The following TUSC3 variants were observed in gnomAD, a reference collection of about 807,000 sequenced individuals.
TUSC3 encodes tumor suppressor candidate 3, also known as dolichyl-diphosphooligosaccharide--protein glycosyltransferase subunit TUSC3.
A neutral mutation model predicts 44.8 loss-of-function variants in TUSC3; 45 were observed. That is an observed-to-expected ratio of 1.00 (90% CI 0.79 to 1.29). TUSC3 has a LOEUF of 1.29. TUSC3 is among the 50% of genes most tolerant of loss of function. The probability of loss-of-function intolerance (pLI) is 0.00; values close to 1 mark genes in which losing one functional copy is unlikely to be tolerated. For synonymous variants in TUSC3, 212 were observed against 152.9 expected, an observed-to-expected ratio of 1.39 and a Z score of -2.85; for missense variants, 519 against 437.9, an observed-to-expected ratio of 1.19 and a Z score of -1.65.
chr8:15,572,989 A>G (rs1459246276), intron 1 of TUSC3, among the ~76,000 whole-genome samples: 1 of 152,020 alleles, frequency 6.6e-6, no homozygotes, highest in South Asian at 2.1e-4. Flanking sequence ...AGAATGTGAC[A>G]TAGACACTGA....
intron 6 of TUSC3, among the ~76,000 whole-genome samples, chr8:15,715,713 A>G (rs1810030137): frequency 6.6e-6 from 1 of 151,810 alleles, no homozygotes; most frequent in African/African-American, 2.4e-5. Context: ...AAAAAAAATT[A>G]TTTCACATTT....
intron 2 of TUSC3, among the ~76,000 whole-genome samples, chr8:15,514,251 A>C (rs1801180609): frequency 6.6e-6 from 1 of 152,188 alleles, no homozygotes; most frequent in South Asian, 2.1e-4. Context: ...TGAAAGCATC[A>C]TTAGGTCTAA....
At chr8:15,474,163 T>C (rs905441892) in intron 1 of TUSC3, among the ~76,000 whole-genome samples, 1 of 152,232 alleles carries the variant, frequency 6.6e-6, no homozygotes, top group Non-Finnish European at 1.5e-5. Context: ...AATATGGCTC[T>C]GTTTTGCCCG....
chr8:15,565,974 T>C (rs1375146878), intron 1 of TUSC3, among the ~76,000 whole-genome samples: 1 of 152,166 alleles, frequency 6.6e-6, no homozygotes, highest in African/African-American at 2.4e-5. Context: ...TAAAGATGAC[T>C]TATTAAAAAC....
intron 7 of TUSC3, among the ~76,000 whole-genome samples, chr8:15,737,765 A>G (rs1414038917): frequency 6.6e-6 from 1 of 152,102 alleles, no homozygotes; most frequent in African/African-American, 2.4e-5. Context: ...TCAGATTTGG[A>G]GGGTCTTTCA....
chr8:15,785,337 A>C, the TUSC3 span, among the ~76,000 whole-genome samples: 1 of 152,306 alleles, frequency 6.6e-6, no homozygotes, highest in East Asian at 1.9e-4. Flanking sequence ...ATACATTGCT[A>C]AGTCAAGATA....
At chr8:15,599,391 C>A (rs78651194) in intron 1 of TUSC3, among the ~76,000 whole-genome samples, 1 of 151,550 alleles carries the variant, frequency 6.6e-6, no homozygotes, top group African/African-American at 2.4e-5. Context: ...CTTCTTATTT[C>A]GTTCACCATT....
At chr8:15,774,771 G>C in the TUSC3 span, among the ~76,000 whole-genome samples, 1 of 151,094 alleles carries the variant, frequency 6.6e-6, no homozygotes, top group Non-Finnish European at 1.5e-5. Flanking sequence ...AAATCAAAAT[G>C]ACATATCACT....
chr8:15,735,872 T>A (rs77917349), intron 7 of TUSC3, among the ~76,000 whole-genome samples: 23 of 36,224 alleles, frequency 6.3e-4, no homozygotes, highest in Admixed American at 1.4e-3. Flanking sequence ...GCTAATGGGT[T>A]TTTTTTTTTT....
At chr8:15,442,739 G>A (rs1386646823) in intron 1 of TUSC3, among the ~76,000 whole-genome samples, 1 of 152,040 alleles carries the variant, frequency 6.6e-6, no homozygotes, top group Non-Finnish European at 1.5e-5. Context: ...GAATATAGGA[G>A]GAATGAATGT....
At chr8:15,429,049 C>T (rs909571560) in intron 1 of TUSC3, among the ~76,000 whole-genome samples, 1 of 152,138 alleles carries the variant, frequency 6.6e-6, no homozygotes, top group African/African-American at 2.4e-5. Flanking sequence ...TTGCCCATGC[C>T]TATGTCCTGA....
intron 1 of TUSC3, among the ~76,000 whole-genome samples, chr8:15,564,730 G>T (rs989130700): frequency 6.6e-6 from 1 of 152,146 alleles, no homozygotes; most frequent in Non-Finnish European, 1.5e-5. Flanking sequence ...AGGCGATGGA[G>T]TGTAAACAGA....
rs547044138 is a variant in TUSC3, at chr8:15,731,187, A to G, written c.862+458A>G. Among the ~76,000 whole-genome samples the G allele has an allele frequency of 2.6e-5, 4 of 152,262 alleles. No individual in the cohort carries two copies. The South Asian group carries it at 8.3e-4, about 32-fold the overall frequency. On this transcript the variant is annotated intron_variant, in intron 7 of 10. Transcript: ENST00000503731. ...TTTGGAACATATCAGAGTGAGTCAGACTAAGTGTTGTGAATCAGATCATAC... is the reference window on the plus strand; with the variant it reads ...TTTGGAACATATCAGAGTGAGTCAGGCTAAGTGTTGTGAATCAGATCATAC...
rs546348122 is a variant in TUSC3, at chr8:15,620,511, G to C, written c.139-2569G>C. On this transcript the variant is annotated intron_variant, in intron 1 of 10. Transcript: ENST00000503731. ...GTAGCACAGTGGTTCTCAATATTTAGAAAAATGACGTATATATATTTGCCT... is the reference window on the plus strand; with the variant it reads ...GTAGCACAGTGGTTCTCAATATTTACAAAAATGACGTATATATATTTGCCT... Among the ~76,000 whole-genome samples the C allele has an allele frequency of 2.6e-5, 4 of 152,132 alleles. 1 individual carries two copies. The highest frequency in any genetic ancestry group is 3.4e-3 in the Middle Eastern group (1 of 294).
intron 1 of TUSC3, among the ~76,000 whole-genome samples, chr8:15,482,865 C>G (rs1800681778): frequency 6.6e-6 from 1 of 152,254 alleles, no homozygotes; most frequent in Non-Finnish European, 1.5e-5. Context: ...ACTTTCTTCA[C>G]CTTTTTACAT....
intron 1 of TUSC3, among the ~76,000 whole-genome samples, chr8:15,544,627 G>C (rs536317419): frequency 1.3e-5 from 2 of 151,652 alleles, no homozygotes; most frequent in African/African-American, 4.8e-5. Flanking sequence ...GTTAGTTTTC[G>C]TGGCACAGCT....
chr8:15,754,146 T>G (rs1317302245), intron 9 of TUSC3, among the ~76,000 whole-genome samples: 1 of 152,032 alleles, frequency 6.6e-6, no homozygotes, highest in Non-Finnish European at 1.5e-5. Context: ...GAGAATGAAA[T>G]GCAGGAAAGA....
chr8:15,843,999 T>C, the TUSC3 span, among the ~76,000 whole-genome samples: 20,258 of 152,110 alleles, frequency 0.13, 1,431 homozygotes, highest in Admixed American at 0.22. Flanking sequence ...ACCAAATCTT[T>C]CAGAATTCCC....
intron 8 of TUSC3, 51 bp downstream of exon 8, chr8:15,743,663 A>G: frequency 6.3e-7 from 1 of 1,578,548 alleles, no homozygotes; most frequent in African/African-American, 1.3e-5. Context: ...CTTAAGATTC[A>G]TTTAAGTCAA....
Sources: gnomAD v4.1 joint callset for allele counts (sites outside exome capture counted in the v4.1 genomes callset) on GRCh38, gnomAD v4.1.1 for gene constraint, MANE v1.5 for transcripts, NCBI Gene and HGNC (gene_info 2026-07-23, HGNC 2026-07-21) for gene names.